Variants in ZNF329 observed in about 807,000 individuals in gnomAD.
ZNF329 encodes zinc finger protein 329.
Under a neutral mutation model 26.6 loss-of-function variants are expected in ZNF329, and 15 were observed. The observed-to-expected ratio is 0.56, with a 90% CI of 0.38 to 0.87. The LOEUF (loss-of-function observed/expected upper bound fraction) is 0.87, where lower values mean the gene tolerates loss of function less well. Among genes scored for constraint, ZNF329 ranks in the 40% least tolerant of loss-of-function variants. ZNF329 has a pLI of 0.00. For synonymous variants in ZNF329, 239 were observed against 233.5 expected (o/e 1.02, Z -0.21); for missense variants, 651 against 651.9 (o/e 1.00, Z 0.02).
At chr19:58,130,673 C>CAAAA (rs11394563) in intron 3 of ZNF329, among the ~76,000 whole-genome samples, 9 of 88,184 alleles carry the variant, frequency 1.0e-4, no homozygotes, top group Non-Finnish European at 1.1e-4. Context: ...GACTCCGTCT[C>CAAAA]AAAAAAAAAA....
rs753997188 is a variant in ZNF329, at chr19:58,128,230, T to G, written c.1274A>C (p.Lys425Thr). ...CTGACACTGGTTGCAGCCATAGGGC[T>G]TCTCGCCAGTATGAATCCTCTGATG... Reference protein sequence around the residue: ...IRHQRIHTGEKPYGCNQCQKL... With the variant: ...IRHQRIHTGETPYGCNQCQKL... The change falls in exon 4 of 4, where the codon AAG (lysine) becomes ACG (threonine). Residue 425 changes from lysine to threonine, a missense_variant. Transcript: ENST00000598312. 2 of 1,594,070 alleles carry G rather than the reference T, an allele frequency of 1.3e-6. No homozygotes were observed. The highest frequency in any genetic ancestry group is 1.1e-5 in the South Asian group (1 of 87,318).
At position 58,128,602 on chromosome 19, in the gene ZNF329, G is replaced by A. The variant is rs945477790; in HGVS notation, c.902C>T (p.Ser301Phe). The A allele has an allele frequency of 3.1e-6, 5 of 1,611,500 alleles. No homozygotes were observed. Among genetic ancestry groups the A allele is most frequent in the Admixed American group, 3.4e-5 (2 of 59,520 alleles). ...ECGKTFNRNS[S>F]LILHQRTHTG... ...ATGAGTTCTTTGGTGCAAAATTAAG[G>A]ATGAATTTCGGTTGAAGGTTTTTCC... The change falls in exon 4 of 4, where the codon TCC becomes TTC. Residue 301 changes from serine (S) to phenylalanine (F), a missense_variant. Ser to Phe is a radical substitution (Grantham distance 155, BLOSUM62 -2). Transcript: ENST00000598312.
upstream of ZNF329, among the ~76,000 whole-genome samples, chr19:58,153,571 T>A (rs751322980): frequency 2.6e-5 from 4 of 152,218 alleles, no homozygotes; most frequent in Non-Finnish European, 5.9e-5. Context: ...GTGACTGCAT[T>A]CCAATAAAAC....
intron 3 of ZNF329, among the ~76,000 whole-genome samples, chr19:58,131,606 A>G (rs2074945736): frequency 6.6e-6 from 1 of 152,174 alleles, no homozygotes; most frequent in Non-Finnish European, 1.5e-5. Flanking sequence ...AGAGAAAATA[A>G]GATTTAAAAG....
intron 1 of ZNF329, among the ~76,000 whole-genome samples, chr19:58,147,262 A>C (rs1248856403): frequency 5.9e-5 from 7 of 118,564 alleles, no homozygotes; most frequent in South Asian, 2.8e-4. Flanking sequence ...AAGTGAGGAG[A>C]CCCTCCGCCT....
intron 3 of ZNF329, chr19:58,136,925 C>A (rs2075082586): frequency 5.4e-6 from 1 of 185,804 alleles, no homozygotes. Context: ...ACTGATGATC[C>A]TCCAACAATA....
At position 58,128,059 on chromosome 19, in the gene ZNF329, G is replaced by A. The variant is rs2074841707; in HGVS notation, c.1445C>T (p.Pro482Leu). ...KHQRIHTKETPYQCPECGKSF... is the reference protein window; with the variant it reads ...KHQRIHTKETLYQCPECGKSF... The stretch of plus-strand genomic sequence containing the variant: ...CTTCCCACATTCTGGACACTGATAT[G>A]GGGTCTCCTTAGTGTGAATTCTCTG... Residue 482 changes from proline to leucine, a missense_variant, in exon 4 of 4, where the codon CCA becomes CTA. Physicochemically the swap from Pro to Leu is moderately conservative, Grantham distance 98. Coordinates refer to ENST00000598312, the MANE Select transcript of ZNF329 (RefSeq NM_024620.4). 1 of 1,613,150 alleles carries A rather than the reference G, an allele frequency of 6.2e-7. No homozygotes were observed. Among genetic ancestry groups the A allele is most frequent in the Non-Finnish European group, 8.5e-7 (1 of 1,179,628 alleles).
At chr19:58,134,046 T>C (rs1377221785) in intron 3 of ZNF329, among the ~76,000 whole-genome samples, 1 of 152,208 alleles carries the variant, frequency 6.6e-6, no homozygotes, top group Non-Finnish European at 1.5e-5. Context: ...ATTAAAAGAA[T>C]AAATGTAGTA....
chr19:58,130,947 A>G (rs950646136), intron 3 of ZNF329, among the ~76,000 whole-genome samples: 2 of 152,034 alleles, frequency 1.3e-5, no homozygotes, highest in African/African-American at 2.4e-5. Context: ...ACTTCAAGCA[A>G]TTATCCCACC....
chr19:58,131,119 A>G (rs573346232), intron 3 of ZNF329, among the ~76,000 whole-genome samples: 2,722 of 150,062 alleles, frequency 0.018, 78 homozygotes, highest in African/African-American at 0.062. Flanking sequence ...ATATGTGTAT[A>G]TGTGTGTGTG....
At chr19:58,131,565 A>G (rs1001373826) in intron 3 of ZNF329, among the ~76,000 whole-genome samples, 10 of 152,234 alleles carry the variant, frequency 6.6e-5, no homozygotes, top group Admixed American at 1.3e-4. Flanking sequence ...ACAAAGAATT[A>G]TTGCCCAAGA....
intron 3 of ZNF329, among the ~76,000 whole-genome samples, chr19:58,139,077 T>C (rs984028704): frequency 6.6e-6 from 1 of 152,054 alleles, no homozygotes; most frequent in South Asian, 2.1e-4. Flanking sequence ...GAAATAAAAA[T>C]ATAACGATGC....
At chr19:58,131,557 A>G (rs2074944163) in intron 3 of ZNF329, among the ~76,000 whole-genome samples, 2 of 152,248 alleles carry the variant, frequency 1.3e-5, no homozygotes, top group Admixed American at 6.5e-5. Flanking sequence ...TTAAAAGCAC[A>G]AAGAATTATT....
rs543744352 is a variant in ZNF329, at chr19:58,128,668, C to A, written c.836G>T (p.Arg279Ile). ...ATAAGGTTTCTCGCCTGTGTGAATT[C>A]TCTGGTGCTGTGTCAGAGCTGAGCC... ...SDGSALTQHQ[R>I]IHTGEKPYEC... The change falls in exon 4 of 4, where the codon AGA becomes ATA. Residue 279 changes from arginine (R) to isoleucine (I), a missense_variant. Physicochemically the swap from Arg to Ile is moderately conservative, Grantham distance 97. Transcript: ENST00000598312. The A allele has an allele frequency of 3.1e-6, 5 of 1,603,334 alleles. No individual in the cohort carries two copies. In the South Asian group the frequency reaches 3.4e-5, roughly 11 times the overall value.
At chr19:58,138,703 A>G (rs2075123159) in intron 3 of ZNF329, among the ~76,000 whole-genome samples, 1 of 152,210 alleles carries the variant, frequency 6.6e-6, no homozygotes, top group African/African-American at 2.4e-5. Context: ...TACAGTTAAA[A>G]GAAATAAAAT....
At chr19:58,146,012 A>AG (rs1029613310) in intron 1 of ZNF329, among the ~76,000 whole-genome samples, 7 of 152,068 alleles carry the variant, frequency 4.6e-5, no homozygotes, top group South Asian at 2.1e-4. Context: ...AAAAAAAAAA[A>AG]AAAGAAAGGA....
chr19:58,135,184 C>T (rs2075037040), intron 3 of ZNF329, among the ~76,000 whole-genome samples: 1 of 152,080 alleles, frequency 6.6e-6, no homozygotes, highest in African/African-American at 2.4e-5. Flanking sequence ...AGAGCACAAG[C>T]GATCCTCCTG....
At chr19:58,141,843 A>G (rs1222403027) in intron 3 of ZNF329, among the ~76,000 whole-genome samples, 2 of 151,694 alleles carry the variant, frequency 1.3e-5, no homozygotes, top group Non-Finnish European at 2.9e-5. Context: ...CAGTGAGCCG[A>G]GATCATGCCA....
chr19:58,139,755 T>C (rs943912167), intron 3 of ZNF329, among the ~76,000 whole-genome samples: 3 of 152,152 alleles, frequency 2.0e-5, no homozygotes, highest in African/African-American at 7.2e-5. Flanking sequence ...GTCATACAAA[T>C]GGCCAATGAG....
Sources: allele counts gnomAD v4.1 joint callset (sites outside exome capture counted in the v4.1 genomes callset), GRCh38; gene constraint gnomAD v4.1.1; transcripts MANE v1.5; gene names NCBI Gene and HGNC (gene_info 2026-07-23, HGNC 2026-07-21).